Variants in KIFAP3 observed in about 807,000 individuals in gnomAD.
KIFAP3 encodes kinesin-associated protein 3.
In KIFAP3, 68 loss-of-function variants were observed where a neutral mutation model predicts 106.5. The observed-to-expected ratio is 0.64, with a 90% CI of 0.53 to 0.78. KIFAP3 has a LOEUF of 0.78. Ranked by LOEUF, KIFAP3 falls within the 30% of genes least tolerant of loss-of-function variation. The pLI is 0.00. For synonymous variants in KIFAP3, 320 were observed against 311.5 expected (o/e 1.03, Z -0.29); for missense variants, 780 against 941.8 (o/e 0.83, Z 2.25).
At chr1:169,983,113 G>A (rs1666613829) in intron 13 of KIFAP3, among the ~76,000 whole-genome samples, 157 bp downstream of exon 13, 1 of 151,864 alleles carries the variant, frequency 6.6e-6, no homozygotes, top group South Asian at 2.1e-4. Context: ...TGAAACATAG[G>A]TTGAGATTTC....
chr1:169,992,210 A>C lies in KIFAP3; in HGVS notation c.1229T>G (p.Ile410Arg). 1 of 1,587,562 alleles carries C rather than the reference A, an allele frequency of 6.3e-7. No individual in the cohort carries two copies. Among genetic ancestry groups the C allele is most frequent in the Non-Finnish European group, 8.6e-7 (1 of 1,168,054 alleles). The change falls in exon 11 of 20, where the codon ATA (isoleucine) becomes AGA (arginine). Residue 410 changes from isoleucine (I) to arginine (R), a missense_variant. Ile to Arg is a moderately conservative substitution (Grantham distance 97, BLOSUM62 -3). Around this residue, in one of 3 missense-constraint regions of KIFAP3, gnomAD observed 588 missense variants for 678.9 expected, o/e 0.87. Coordinates refer to ENST00000361580, the MANE Select transcript of KIFAP3 (RefSeq NM_014970.4). ...TGATTTAAAGCGGTCATCCATGCTT[A>C]TGTGGTAAAGAACACACATTGCTAT... ...KQIAMCVLYH[I>R]SMDDRFKSMF...
At chr1:170,072,136 A>T (rs992743296) in intron 1 of KIFAP3, among the ~76,000 whole-genome samples, 3 of 152,222 alleles carry the variant, frequency 2.0e-5, no homozygotes, top group Admixed American at 1.3e-4. Flanking sequence ...GTTCACTTTT[A>T]ATATCCTTCA....
chr1:169,988,704 C>T (rs903531530), intron 11 of KIFAP3, among the ~76,000 whole-genome samples: 4 of 151,882 alleles, frequency 2.6e-5, no homozygotes, highest in African/African-American at 9.7e-5. Flanking sequence ...GACTTGTTTT[C>T]CATGATTCTT....
chr1:170,027,144 T>C (rs1351597037), intron 8 of KIFAP3, among the ~76,000 whole-genome samples: 1 of 151,468 alleles, frequency 6.6e-6, no homozygotes, highest in Non-Finnish European at 1.5e-5. Context: ...CTCAGCCTCC[T>C]GAGTAGCTGG....
intron 19 of KIFAP3, among the ~76,000 whole-genome samples, chr1:169,946,799 C>T (rs1432644121): frequency 6.6e-6 from 1 of 151,870 alleles, no homozygotes; most frequent in East Asian, 1.9e-4. Flanking sequence ...TAGAAGGCTC[C>T]TAAGGTATTC....
chr1:169,993,663 G>GGCGGA (rs1230943851), intron 10 of KIFAP3, among the ~76,000 whole-genome samples: 1 of 123,370 alleles, frequency 8.1e-6, no homozygotes, highest in African/African-American at 3.1e-5. Flanking sequence ...GAGGCTTGCA[G>GGCGGA]TGAGCCCAGA....
At chr1:169,945,338 C>T (rs1209352761) in intron 19 of KIFAP3, among the ~76,000 whole-genome samples, 2 of 152,174 alleles carry the variant, frequency 1.3e-5, no homozygotes, top group Non-Finnish European at 2.9e-5. Flanking sequence ...CCCAAGAGCA[C>T]AGGGATGACC....
intron 10 of KIFAP3, among the ~76,000 whole-genome samples, chr1:169,995,609 C>T (rs139494160): frequency 5.9e-4 from 90 of 151,970 alleles, no homozygotes; most frequent in African/African-American, 2.0e-3. Context: ...TCTTCAACAA[C>T]AAAGTAAATA....
intron 1 of KIFAP3, among the ~76,000 whole-genome samples, chr1:170,073,504 C>T (rs1488379835): frequency 6.6e-6 from 1 of 152,194 alleles, no homozygotes; most frequent in Non-Finnish European, 1.5e-5. Flanking sequence ...AATACCACCA[C>T]CTTACATTCA....
chr1:170,012,086 A>T (rs962126341), intron 10 of KIFAP3, among the ~76,000 whole-genome samples: 3 of 152,150 alleles, frequency 2.0e-5, no homozygotes, highest in African/African-American at 2.4e-5. Context: ...TTCATTTTTT[A>T]AAAAATATAC....
intron 17 of KIFAP3, among the ~76,000 whole-genome samples, chr1:169,964,220 T>TAATA (rs3981090): frequency 0.94 from 142,432 of 152,028 alleles, 66,802 homozygotes; most frequent in East Asian, 1. Flanking sequence ...TGAGAACACT[T>TAATA]AATGTTAGCC....
chr1:169,981,077 G>A lies in KIFAP3; in HGVS notation c.1798+895C>T, dbSNP rs144083844. On this transcript the variant is annotated intron_variant, in intron 15 of 19. Transcript: ENST00000361580. ...GATCATGCCATTGCACTCCAGCCTGGGCAACAAGAGCAAAACTATGTCTCA... is the reference window on the plus strand; with the variant it reads ...GATCATGCCATTGCACTCCAGCCTGAGCAACAAGAGCAAAACTATGTCTCA... Among the ~76,000 whole-genome samples the A allele has an allele frequency of 3.0e-3, 453 of 152,170 alleles. 18 individuals are homozygous for A. The East Asian group carries it at 0.075, about 25-fold the overall frequency.
chr1:169,940,539 C>A (rs1251306288), intron 19 of KIFAP3, among the ~76,000 whole-genome samples: 1 of 152,094 alleles, frequency 6.6e-6, no homozygotes, highest in African/African-American at 2.4e-5. Flanking sequence ...TTAGTTAGAT[C>A]CTCATAAGGA....
chr1:169,979,773 G>T (rs1395833509), intron 15 of KIFAP3, among the ~76,000 whole-genome samples: 1 of 152,068 alleles, frequency 6.6e-6, no homozygotes, highest in African/African-American at 2.4e-5. Context: ...TCCTACGTGT[G>T]AACCTAATGG....
At chr1:170,063,114 G>A (rs1017252568) in intron 1 of KIFAP3, among the ~76,000 whole-genome samples, 3 of 152,038 alleles carry the variant, frequency 2.0e-5, no homozygotes, top group Non-Finnish European at 4.4e-5. Context: ...TTAGAATTAC[G>A]GGAGGGACCT....
At chr1:170,078,345 T>C (rs1274552107), upstream of KIFAP3, among the ~76,000 whole-genome samples, 1 of 152,212 alleles carries the variant, frequency 6.6e-6, no homozygotes, top group Non-Finnish European at 1.5e-5. Flanking sequence ...TTACCATTTC[T>C]ATACCATTTT....
chr1:169,925,494 G>T (rs941805698), intron 19 of KIFAP3, among the ~76,000 whole-genome samples: 1 of 151,614 alleles, frequency 6.6e-6, no homozygotes, highest in Non-Finnish European at 1.5e-5. Context: ...TCTAGAGTGT[G>T]TTTTTTTAAA....
At chr1:169,928,652 GC>G (rs1663280627) in intron 19 of KIFAP3, among the ~76,000 whole-genome samples, 1 of 115,050 alleles carries the variant, frequency 8.7e-6, no homozygotes, top group South Asian at 2.9e-4. Flanking sequence ...AGCCATGACC[GC>G]CACTGCACTC....
chr1:169,971,153 T>C (rs1170723026), intron 17 of KIFAP3, among the ~76,000 whole-genome samples: 1 of 152,048 alleles, frequency 6.6e-6, no homozygotes, highest in African/African-American at 2.4e-5. Context: ...CTAAACATTA[T>C]CTTCTAGTTA....
Sources: allele counts gnomAD v4.1 joint callset (sites outside exome capture counted in the v4.1 genomes callset), GRCh38; gene constraint gnomAD v4.1.1; regional missense constraint gnomAD v4.1.1; transcripts MANE v1.5; gene names NCBI Gene and HGNC (gene_info 2026-07-23, HGNC 2026-07-21).